INPP4B: variants seen among roughly 807,000 people sequenced by gnomAD.
The protein encoded by INPP4B is inositol polyphosphate 4-phosphatase type II.
INPP4B carries 55 observed loss-of-function variants against 122.5 expected under a neutral mutation model. That is an observed-to-expected ratio of 0.45 (90% CI 0.36 to 0.56). INPP4B has a LOEUF of 0.56. Among genes scored for constraint, INPP4B ranks in the 20% least tolerant of loss-of-function variants. INPP4B has a pLI of 0.00. For missense variants in INPP4B, 1,000 were observed against 1,097.7 expected (o/e 0.91, Z 1.26); for synonymous variants, 403 against 388.7 (o/e 1.04, Z -0.43).
chr4:142,300,286 T>C (rs17015856), intron 9 of INPP4B, among the ~76,000 whole-genome samples: 7,257 of 152,198 alleles, frequency 0.048, 580 homozygotes, highest in African/African-American at 0.17. Context: ...TATGCTTGTA[T>C]AGAAGACGAT....
intron 1 of INPP4B, among the ~76,000 whole-genome samples, chr4:142,737,445 T>A (rs1767127975): frequency 6.6e-6 from 1 of 152,250 alleles, no homozygotes; most frequent in African/African-American, 2.4e-5. Context: ...TCCTTACACC[T>A]TATACAAAAA....
Position 142,223,572 on chromosome 4 carries a change from G to A in INPP4B, c.836+14292C>T, listed in dbSNP as rs1046618545. Among the ~76,000 whole-genome samples, 12 of 152,022 alleles carry A rather than the reference G, an allele frequency of 7.9e-5. 1 individual carries two copies. The South Asian group carries it at 1.5e-3, about 18-fold the overall frequency. ...ATATCCAAATAGGAGAATAAAACAC[G>A]TATTTCTATCACCAGCTTGGTGACA... On this transcript the variant is annotated intron_variant, in intron 12 of 25. Transcript: ENST00000262992.
chr4:142,124,447 T>C (rs543513224), intron 19 of INPP4B, 141 bp downstream of exon 19: 155 of 697,144 alleles, frequency 2.2e-4, no homozygotes, highest in African/African-American at 1.5e-3. Flanking sequence ...ATATTTATCG[T>C]GAATAAGAAA....
intron 2 of INPP4B, among the ~76,000 whole-genome samples, chr4:142,571,106 A>AAG (rs1419082004): frequency 1.3e-5 from 2 of 151,292 alleles, no homozygotes; most frequent in African/African-American, 2.4e-5. Flanking sequence ...AAAAAAAAAA[A>AAG]AAAGAGCATG....
At chr4:142,609,157 C>A (rs1357382159) in intron 2 of INPP4B, among the ~76,000 whole-genome samples, 1 of 151,668 alleles carries the variant, frequency 6.6e-6, no homozygotes, top group African/African-American at 2.4e-5. Flanking sequence ...CTGCTTACAG[C>A]TCCGAATAAT....
chr4:142,776,862 C>T (rs183595834), intron 1 of INPP4B, among the ~76,000 whole-genome samples: 297 of 152,232 alleles, frequency 2.0e-3, no homozygotes, highest in African/African-American at 6.7e-3. Flanking sequence ...TCTAGGAAAG[C>T]TCTAGTGAGC....
intron 2 of INPP4B, among the ~76,000 whole-genome samples, chr4:142,683,925 T>C (rs1758986424): frequency 1.3e-5 from 2 of 151,860 alleles, no homozygotes; most frequent in African/African-American, 4.8e-5. Flanking sequence ...ACTGAGTATA[T>C]AGTTATCAGA....
At chr4:142,098,640 T>C (rs1176051743) in intron 23 of INPP4B, among the ~76,000 whole-genome samples, 3 of 152,028 alleles carry the variant, frequency 2.0e-5, no homozygotes, top group African/African-American at 4.8e-5. Context: ...GGAAAGGGGA[T>C]GTGAAAGAGG....
At chr4:142,057,167 T>A (rs1040434224) in intron 25 of INPP4B, among the ~76,000 whole-genome samples, 1 of 151,968 alleles carries the variant, frequency 6.6e-6, no homozygotes, top group African/African-American at 2.4e-5. Flanking sequence ...AAATATCTCA[T>A]CACACAAATC....
intron 2 of INPP4B, among the ~76,000 whole-genome samples, chr4:142,484,601 A>G (rs1020069258): frequency 1.3e-5 from 2 of 151,952 alleles, no homozygotes; most frequent in African/African-American, 2.4e-5. Flanking sequence ...ACTTATTATT[A>G]TTTTCTTTTT....
At chr4:142,297,931 A>G (rs1476462089) in intron 9 of INPP4B, among the ~76,000 whole-genome samples, 3 of 152,198 alleles carry the variant, frequency 2.0e-5, no homozygotes, top group Non-Finnish European at 2.9e-5. Context: ...ACTTCACTAC[A>G]TTTATTAATT....
chr4:142,475,927 A>T (rs1184001963), intron 2 of INPP4B, among the ~76,000 whole-genome samples: 1 of 152,218 alleles, frequency 6.6e-6, no homozygotes, highest in Admixed American at 6.5e-5. Flanking sequence ...ACATTTGAGG[A>T]TATCATTCAC....
At chr4:142,811,943 A>G (rs1050389842) in intron 1 of INPP4B, among the ~76,000 whole-genome samples, 2 of 152,166 alleles carry the variant, frequency 1.3e-5, no homozygotes, top group Admixed American at 1.3e-4. Context: ...ACTACCAGGT[A>G]TCATTCCCCA....
chr4:142,193,268 A>G (rs1177798936), intron 14 of INPP4B, 73 bp from the exon 15 acceptor site: 1 of 831,628 alleles, frequency 1.2e-6, no homozygotes, highest in Non-Finnish European at 2.0e-6. Context: ...GCATTGAAGC[A>G]TACCTATTGT....
chr4:142,665,411 G>A (rs1312222199), intron 2 of INPP4B, among the ~76,000 whole-genome samples: 12 of 149,284 alleles, frequency 8.0e-5, no homozygotes, highest in Non-Finnish European at 1.2e-4. Context: ...GGAGAATGGC[G>A]TGAACCTGGG....
intron 1 of INPP4B, among the ~76,000 whole-genome samples, chr4:142,845,290 A>AG (rs1784047127): frequency 6.6e-6 from 1 of 152,036 alleles, no homozygotes; most frequent in Non-Finnish European, 1.5e-5. Flanking sequence ...AAGCGTGGGG[A>AG]GGGGGAAAAA....
chr4:142,462,986 T>A (rs914053078), intron 2 of INPP4B, among the ~76,000 whole-genome samples: 1 of 152,196 alleles, frequency 6.6e-6, no homozygotes, highest in Non-Finnish European at 1.5e-5. Flanking sequence ...CCAAGTACTA[T>A]CCTATGCCAG....
chr4:142,777,466 T>C (rs927202680), intron 1 of INPP4B, among the ~76,000 whole-genome samples: 1 of 152,066 alleles, frequency 6.6e-6, no homozygotes, highest in African/African-American at 2.4e-5. Flanking sequence ...AATAATCACA[T>C]GATCTTGGAA....
intron 1 of INPP4B, chr4:142,767,841 T>A (rs995991837): frequency 1.3e-5 from 2 of 152,200 alleles, no homozygotes; most frequent in Admixed American, 6.6e-5. Flanking sequence ...CCAGCTCCTG[T>A]GCATCTGTGG....
Sources: gnomAD v4.1 joint callset for allele counts (sites outside exome capture counted in the v4.1 genomes callset) on GRCh38, gnomAD v4.1.1 for gene constraint, MANE v1.5 for transcripts, NCBI Gene and HGNC (gene_info 2026-07-23, HGNC 2026-07-21) for gene names.